Variants in TP63 observed in about 807,000 individuals in gnomAD.
TP63 encodes the protein tumor protein p63.
In TP63, 17 loss-of-function variants were observed where a neutral mutation model predicts 82.8. That is an observed-to-expected ratio of 0.21 (90% CI 0.14 to 0.31). The LOEUF (loss-of-function observed/expected upper bound fraction) is 0.31, where lower values mean the gene tolerates loss of function less well. TP63 is among the 10% of genes least tolerant of loss of function. The pLI is 1.00. For synonymous variants in TP63, 330 were observed against 321.7 expected (o/e 1.03, Z -0.28); for missense variants, 648 against 895.3 (o/e 0.72, Z 3.52).
At chr3:189,854,388 G>A (rs1287224109) in intron 4 of TP63, among the ~76,000 whole-genome samples, 5 of 151,832 alleles carry the variant, frequency 3.3e-5, no homozygotes, top group Non-Finnish European at 5.9e-5. Flanking sequence ...GTGCCACCAC[G>A]CCCAGCTAAT....
chr3:189,741,268 T>C lies in TP63; in HGVS notation c.324+2494T>C, dbSNP rs558517782. Among the ~76,000 whole-genome samples, 7 of 151,868 alleles carry C rather than the reference T, an allele frequency of 4.6e-5. No homozygotes were observed. The South Asian group carries it at 8.4e-4, about 18-fold the overall frequency. On this transcript the variant is annotated intron_variant, in intron 3 of 13. Coordinates refer to ENST00000264731, the MANE Select transcript of TP63 (RefSeq NM_003722.5). ...AAATCCTGGGGCTTCTCTTGCCTTA[T>C]GACTATTCCAACATTTTTATATTCT...
At chr3:189,774,165 G>T (rs1358882048) in intron 3 of TP63, among the ~76,000 whole-genome samples, 1 of 151,766 alleles carries the variant, frequency 6.6e-6, no homozygotes, top group East Asian at 1.9e-4. Flanking sequence ...CTCGTGATCC[G>T]CCCGCCTCGG....
At chr3:189,874,075 GATT>G (rs766720356) in intron 10 of TP63, among the ~76,000 whole-genome samples, 2 of 151,758 alleles carry the variant, frequency 1.3e-5, no homozygotes, top group Non-Finnish European at 2.9e-5. Context: ...GAGGGCTTAT[GATT>G]ATTATTATTA....
At chr3:189,853,817 A>G (rs1394949302) in intron 4 of TP63, among the ~76,000 whole-genome samples, 3 of 152,236 alleles carry the variant, frequency 2.0e-5, no homozygotes, top group Admixed American at 1.3e-4. Flanking sequence ...TATATGCTCA[A>G]TAAAAATCAA....
chr3:189,731,949 C>A (rs192034975), intron 1 of TP63, among the ~76,000 whole-genome samples: 163 of 152,270 alleles, frequency 1.1e-3, no homozygotes, highest in African/African-American at 3.8e-3. Flanking sequence ...AATGTTTCAA[C>A]ATATTTATCT....
At chr3:189,822,773 G>A (rs1356730628) in intron 4 of TP63, among the ~76,000 whole-genome samples, 1 of 152,182 alleles carries the variant, frequency 6.6e-6, no homozygotes, top group Non-Finnish European at 1.5e-5. Flanking sequence ...CAGTTGTATA[G>A]AGCTCCTTCT....
chr3:189,777,968 G>C (rs892999449), intron 3 of TP63, among the ~76,000 whole-genome samples: 22 of 148,918 alleles, frequency 1.5e-4, no homozygotes, highest in African/African-American at 5.4e-4. Context: ...TGATTCTGGT[G>C]CGTCAGCCTC....
chr3:189,675,054 G>A (rs1446486902), intron 1 of TP63, among the ~76,000 whole-genome samples: 1 of 152,116 alleles, frequency 6.6e-6, no homozygotes, highest in Non-Finnish European at 1.5e-5. Flanking sequence ...TCTGGAGAAT[G>A]GGAAGTCCAA....
intron 1 of TP63, among the ~76,000 whole-genome samples, chr3:189,672,872 C>CA (rs1316695070): frequency 1.3e-5 from 2 of 151,774 alleles, no homozygotes; most frequent in African/African-American, 4.8e-5. Flanking sequence ...CAAGATTAAT[C>CA]AAAAAAAGAG....
intron 1 of TP63, among the ~76,000 whole-genome samples, chr3:189,682,547 AAAAAAAATATATATATATAT>A (rs1334720140): frequency 3.6e-5 from 1 of 27,752 alleles, no homozygotes; most frequent in African/African-American, 9.0e-5. Flanking sequence ...AAAAAAAAAA[AAAAAAAATATATATATATAT>A]ATATATATAT....
At chr3:189,630,612 G>T (rs775429515), upstream of TP63, among the ~76,000 whole-genome samples, 3 of 152,026 alleles carry the variant, frequency 2.0e-5, no homozygotes, top group Non-Finnish European at 4.4e-5. Flanking sequence ...GAAATAATTT[G>T]TGCACTTCAG....
chr3:189,860,665 G>A (rs1008602554), intron 4 of TP63, among the ~76,000 whole-genome samples: 1 of 152,184 alleles, frequency 6.6e-6, no homozygotes, highest in African/African-American at 2.4e-5. Context: ...TTTTGATTTA[G>A]TCAAATATGA....
chr3:189,835,733 T>C (rs1484597457), intron 4 of TP63, among the ~76,000 whole-genome samples: 1 of 151,682 alleles, frequency 6.6e-6, no homozygotes, highest in African/African-American at 2.4e-5. Context: ...GCCAACATAG[T>C]GAAACCCCAT....
intron 3 of TP63, among the ~76,000 whole-genome samples, chr3:189,746,047 C>T (rs1721349331): frequency 6.6e-6 from 1 of 151,864 alleles, no homozygotes; most frequent in Non-Finnish European, 1.5e-5. Context: ...ATTTATATAT[C>T]CAGATATGAG....
At chr3:189,618,851 A>G in the TP63 span, among the ~76,000 whole-genome samples, 2 of 151,954 alleles carry the variant, frequency 1.3e-5, no homozygotes, top group East Asian at 1.9e-4. Context: ...TTTCTTATCT[A>G]CCGTCTTGTA....
chr3:189,687,387 T>G (rs1716533446), intron 1 of TP63, among the ~76,000 whole-genome samples: 1 of 152,238 alleles, frequency 6.6e-6, no homozygotes, highest in Non-Finnish European at 1.5e-5. Flanking sequence ...TTGCCTAGTT[T>G]GAATGATTCC....
intron 4 of TP63, among the ~76,000 whole-genome samples, chr3:189,828,839 C>T (rs569241106): frequency 2.0e-5 from 3 of 152,156 alleles, no homozygotes; most frequent in Non-Finnish European, 4.4e-5. Context: ...CGTCCTTTTA[C>T]TGAATGAAAA....
intron 3 of TP63, among the ~76,000 whole-genome samples, chr3:189,799,539 G>A (rs1269875636): frequency 2.0e-5 from 3 of 152,212 alleles, no homozygotes; most frequent in South Asian, 2.1e-4. Context: ...ACAAAAGTGT[G>A]TATGTGTTTG....
chr3:189,633,372 C>A (rs1054390957), intron 1 of TP63, among the ~76,000 whole-genome samples: 4 of 151,890 alleles, frequency 2.6e-5, no homozygotes, highest in African/African-American at 9.7e-5. Context: ...TGATCCTATC[C>A]CTCCTCCCAC....
Sources: gnomAD v4.1 joint callset for allele counts (sites outside exome capture counted in the v4.1 genomes callset) on GRCh38, gnomAD v4.1.1 for gene constraint, MANE v1.5 for transcripts, NCBI Gene and HGNC (gene_info 2026-07-23, HGNC 2026-07-21) for gene names.